Variants in TSPAN17 observed in about 807,000 individuals in gnomAD.
TSPAN17 encodes tetraspanin 17, also known as tetraspanin-17.
Under a neutral mutation model 40.5 loss-of-function variants are expected in TSPAN17, and 33 were observed. The ratio of observed to expected loss-of-function variants is 0.81; its 90% CI spans 0.62 to 1.09. The LOEUF is 1.09. TSPAN17 is among the 50% of genes least tolerant of loss of function. The probability of loss-of-function intolerance (pLI) is 0.00; values close to 1 mark genes in which losing one functional copy is unlikely to be tolerated. For synonymous variants in TSPAN17, 166 were observed against 169.4 expected (o/e 0.98, Z 0.15); for missense variants, 365 against 416.8 (o/e 0.88, Z 1.08).
chr5:176,652,635 G>A, intron 3 of TSPAN17, 108 bp from the exon 4 acceptor site: 3 of 1,095,560 alleles, frequency 2.7e-6, no homozygotes, highest in Non-Finnish European at 4.0e-6. Context: ...GCGCCTCTGG[G>A]TCTTGGTGGA....
chr5:176,654,837 C>G lies in TSPAN17; in HGVS notation c.457-58C>G. ...CCTGCAGCCTGGGCTTGTTCCCAAA[C>G]AGGGTGAGGCTCCTGGGATGGGCCT... is the stretch of plus-strand genomic sequence containing the variant. On this transcript the variant is annotated intron_variant, in intron 4 of 8. Transcript: ENST00000508164. This position sits in a 1 kb window ranked among gnomAD's most constrained non-coding sequence, Gnocchi z 4.3. The G allele has an allele frequency of 3.8e-6, 6 of 1,597,074 alleles. No homozygotes were observed. The highest frequency in any genetic ancestry group is 5.1e-6 in the Non-Finnish European group (6 of 1,171,150).
chr5:176,650,170 G>A lies in TSPAN17; in HGVS notation c.88-1446G>A, dbSNP rs1002303937. 3.3e-5 allele frequency among the ~76,000 whole-genome samples: 5 copies of A among 152,218 alleles called. No homozygotes were observed. Among genetic ancestry groups the A allele is most frequent in the Non-Finnish European group, 7.3e-5 (5 of 68,040 alleles). ...TCGTGGAGGTGTTTGCTGCAGGCGGGTGGACGTAGGGGTGTGGGACCAGCA... is the reference window on the plus strand; with the variant it reads ...TCGTGGAGGTGTTTGCTGCAGGCGGATGGACGTAGGGGTGTGGGACCAGCA... On this transcript the variant is annotated intron_variant, in intron 1 of 8. Coordinates refer to ENST00000508164, the MANE Select transcript of TSPAN17 (RefSeq NM_130465.5). This position sits in a 1 kb window ranked among gnomAD's most constrained non-coding sequence, Gnocchi z 4.0.
rs1761179543 is a variant in TSPAN17, at chr5:176,656,949, G to T, written c.802G>T (p.Ala268Ser). 6.2e-7 allele frequency: 1 copy of T among 1,613,224 alleles called. No homozygotes were observed. The highest frequency in any genetic ancestry group is 8.5e-7 in the Non-Finnish European group (1 of 1,179,398). Residue 268 changes from alanine to serine, a missense_variant, in exon 8 of 9, where the codon GCC (alanine) becomes TCC (serine). Physicochemically the swap from Ala to Ser is moderately conservative, Grantham distance 99. Transcript: ENST00000508164. ...NLVSDIKAVK[A>S]NWSKWNDDFE... ...CGTGAGTGACATCAAGGCAGTGAAA[G>T]CCAACTGGTGAGGCCGCCAGAGGCC...
chr5:176,654,767 C>CCCAGA lies in TSPAN17; in HGVS notation c.457-127_457-126insCAGAC. 7 of 1,252,500 alleles carry CCCAGA rather than the reference C, an allele frequency of 5.6e-6. No individual in the cohort carries two copies. The highest frequency in any genetic ancestry group is 7.7e-6 in the Non-Finnish European group (7 of 914,870). 77.6% of individuals were successfully genotyped at this position (1,252,500 alleles called of 1,614,324 possible). A position where few individuals can be genotyped will look rare whatever the true frequency, so the allele number is the denominator to read the frequency against. ...CAGGCCTGTGGGGGTGGGGAGGTGG[C>CCCAGA]CACCCACTTGGCTGTCCCAGCCCTG... is the stretch of plus-strand genomic sequence containing the variant. On this transcript the variant is annotated intron_variant, in intron 4 of 8. Coordinates refer to ENST00000508164, the MANE Select transcript of TSPAN17 (RefSeq NM_130465.5). The surrounding 1 kb of genome is among the most constrained non-coding windows in gnomAD (Gnocchi z 4.3).
chr5:176,647,666 G>C lies in TSPAN17; in HGVS notation c.51G>C (p.Gly17=), dbSNP rs1343615469. The C allele has an allele frequency of 1.9e-6, 3 of 1,604,218 alleles. No homozygotes were observed. The African/African-American group carries it at 4.0e-5, about 21-fold the overall frequency. Residue 17 remains glycine, a synonymous_variant, in exon 1 of 9, where the codon GGG becomes GGC. Coordinates refer to ENST00000508164, the MANE Select transcript of TSPAN17 (RefSeq NM_130465.5). The part of the protein sequence containing the change: ...HFQEPEVGCC[G]KYFLFGFNIV... ...AGGAACCTGAGGTCGGCTGCTGCGGGAAATACTTCCTGTTTGGCTTCAACA... is the reference window on the plus strand; with the variant it reads ...AGGAACCTGAGGTCGGCTGCTGCGGCAAATACTTCCTGTTTGGCTTCAACA...
intron 5 of TSPAN17, among the ~76,000 whole-genome samples, chr5:176,655,347 C>T (rs1761113034): frequency 6.6e-6 from 1 of 152,188 alleles, no homozygotes; most frequent in Non-Finnish European, 1.5e-5. Context: ...GAAGGTTGGC[C>T]AGGCTGTCAC....
At position 176,647,655 on chromosome 5, in the gene TSPAN17, G is replaced by A. The variant is rs1339577502; in HGVS notation, c.40G>A (p.Gly14Ser). Residue 14 changes from glycine to serine, a missense_variant, in exon 1 of 9, where the codon GGC (glycine) becomes AGC (serine). Gly to Ser is a moderately conservative substitution (Grantham distance 56). Coordinates refer to ENST00000508164, the MANE Select transcript of TSPAN17 (RefSeq NM_130465.5). ...KHQHFQEPEV[G>S]CCGKYFLFGF... ...CCAGCATTTCCAGGAACCTGAGGTCGGCTGCTGCGGGAAATACTTCCTGTT... is the reference window on the plus strand; with the variant it reads ...CCAGCATTTCCAGGAACCTGAGGTCAGCTGCTGCGGGAAATACTTCCTGTT... 1.2e-6 allele frequency: 2 copies of A among 1,602,110 alleles called. No individual in the cohort carries two copies. Among genetic ancestry groups the A allele is most frequent in the South Asian group, 1.1e-5 (1 of 88,790 alleles).
At position 176,651,295 on chromosome 5, in the gene TSPAN17, G is replaced by A. The variant is rs1052435075; in HGVS notation, c.88-321G>A. 6.6e-6 allele frequency among the ~76,000 whole-genome samples: 1 copy of A among 151,986 alleles called. No homozygotes were observed. Among genetic ancestry groups the A allele is most frequent in the East Asian group, 1.9e-4 (1 of 5,178 alleles). On this transcript the variant is annotated intron_variant, in intron 1 of 8. Transcript: ENST00000508164. The surrounding 1 kb of genome is among the most constrained non-coding windows in gnomAD (Gnocchi z 4.5). ...TGTAGAGGCTCAGTATACTGGCGCC[G>A]TCGCTACCCCCGCTGACACAGCTGC...
intron 6 of TSPAN17, 60 bp from the exon 7 acceptor site, chr5:176,656,640 G>C (rs1761165019): frequency 9.6e-6 from 15 of 1,561,424 alleles, no homozygotes; most frequent in Non-Finnish European, 1.1e-5. Context: ...TGGCAGGCTG[G>C]GAGGGTGGGA....
intron 8 of TSPAN17, 55 bp downstream of exon 8, chr5:176,657,011 G>A (rs187034910): frequency 1.7e-4 from 268 of 1,571,218 alleles, no homozygotes; most frequent in Non-Finnish European, 2.2e-4. Context: ...CCTCTGGGGG[G>A]CCCCCCAGGA....
At chr5:176,655,575 G>C (rs1027034313) in intron 5 of TSPAN17, among the ~76,000 whole-genome samples, 1 of 152,124 alleles carries the variant, frequency 6.6e-6, no homozygotes, top group Non-Finnish European at 1.5e-5. Context: ...CAGCAGGCAG[G>C]ATTCCTGAAC....
intron 1 of TSPAN17, among the ~76,000 whole-genome samples, chr5:176,649,772 C>T (rs1760893007): frequency 6.6e-6 from 1 of 152,216 alleles, no homozygotes; most frequent in Non-Finnish European, 1.5e-5. Context: ...TGTCGGCCTC[C>T]AGGGCCCCGC....
In TSPAN17 at chr5:176,656,823, T is replaced by C; in HGVS notation, c.747+7T>C. 1 of 1,614,188 alleles carries C rather than the reference T, an allele frequency of 6.2e-7. No homozygotes were observed. The highest frequency in any genetic ancestry group is 8.5e-7 in the Non-Finnish European group (1 of 1,180,004). On this transcript the variant is annotated splice_region_variant and intron_variant, in intron 7 of 8. Transcript: ENST00000508164. ...GGGCATCGCCCTCCTCCAGGTACCCTTGTGGCCCCACGTGCCCCTCCCCTT... is the reference window on the plus strand; with the variant it reads ...GGGCATCGCCCTCCTCCAGGTACCCCTGTGGCCCCACGTGCCCCTCCCCTT...
intron 5 of TSPAN17, among the ~76,000 whole-genome samples, chr5:176,655,734 CAAAA>C (rs11420495): frequency 7.9e-6 from 1 of 125,866 alleles, no homozygotes; most frequent in African/African-American, 3.1e-5. Flanking sequence ...CTCGTGTCTA[CAAAA>C]AAAAAAAAAA....
At chr5:176,656,027 C>T (rs78677496) in intron 5 of TSPAN17, 51 bp from the exon 6 acceptor site, 37,264 of 1,563,908 alleles carry the variant, frequency 0.024, 1,515 homozygotes, top group African/African-American at 0.18. Context: ...GTACCATGGA[C>T]CCCATGGGAT....
chr5:176,647,923 G>A (rs948579991), intron 1 of TSPAN17, among the ~76,000 whole-genome samples: 3 of 152,178 alleles, frequency 2.0e-5, no homozygotes, highest in Non-Finnish European at 4.4e-5. Context: ...GTCGGGGTTG[G>A]GGTAGGGAGT....
rs376446011 is a variant in TSPAN17 at position 176,656,788 on chromosome 5, G to A, written c.719G>A (p.Gly240Glu). ...WLQDNLIVVA[G>E]VFMGIALLQI... ...CAGGACAACCTGATTGTGGTGGCGG[G>A]AGTCTTCATGGGCATCGCCCTCCTC... Residue 240 changes from glycine to glutamate, a missense_variant, in exon 7 of 9, where the codon GGA becomes GAA. Gly to Glu is a moderately conservative substitution (Grantham distance 98). Transcript: ENST00000508164. 4 of 1,614,226 alleles carry A rather than the reference G, an allele frequency of 2.5e-6. No individual in the cohort carries two copies. The highest frequency in any genetic ancestry group is 2.5e-6 in the Non-Finnish European group (3 of 1,180,012).
chr5:176,657,268 A>T, intron 8 of TSPAN17: 1 of 678,110 alleles, frequency 1.5e-6, no homozygotes, highest in Non-Finnish European at 2.4e-6. Flanking sequence ...CGCAGCTCAG[A>T]GGGTGCAGGC....
In TSPAN17 at chr5:176,653,029, C is replaced by T. The variant is rs1406215533; in HGVS notation, c.456+116C>T. 3.5e-6 allele frequency: 4 copies of T among 1,141,516 alleles called. No homozygotes were observed. In the African/African-American group the frequency reaches 6.1e-5, roughly 18 times the overall value. 70.7% of individuals were successfully genotyped at this position (1,141,516 alleles called of 1,614,324 possible). On this transcript the variant is annotated intron_variant, in intron 4 of 8. Coordinates refer to ENST00000508164, the MANE Select transcript of TSPAN17 (RefSeq NM_130465.5). The stretch of plus-strand genomic sequence containing the variant: ...CTTACCCACCTGGGCTAGCGGGCCC[C>T]AGGAGAGAGACCCAGGAGTGTCCTC...
Sources: gnomAD v4.1 joint callset for allele counts (sites outside exome capture counted in the v4.1 genomes callset) on GRCh38, gnomAD v4.1.1 for gene constraint, Gnocchi (gnomAD v3.1) non-coding constraint, MANE v1.5 for transcripts, NCBI Gene and HGNC (gene_info 2026-07-23, HGNC 2026-07-21) for gene names.